The following DSCAML1 variants were observed in gnomAD, a reference collection of about 807,000 sequenced individuals.
DSCAML1 encodes the protein DS cell adhesion molecule like 1.
In DSCAML1, 38 loss-of-function variants were observed where a neutral mutation model predicts 200.5. That is an observed-to-expected ratio of 0.19 (90% confidence interval 0.15 to 0.25). The LOEUF is 0.25. Ranked by LOEUF, DSCAML1 falls within the 10% of genes least tolerant of loss-of-function variation. The pLI is 1.00. For missense variants in DSCAML1, 2,223 were observed against 2,858.8 expected, an observed-to-expected ratio of 0.78 and a Z score of 5.07; for synonymous variants, 1,215 against 1,165.0, an observed-to-expected ratio of 1.04 and a Z score of -0.87.
At chr11:117,790,274 C>G (rs1017295989) in intron 1 of DSCAML1, among the ~76,000 whole-genome samples, 1 of 152,194 alleles carries the variant, frequency 6.6e-6, no homozygotes, top group African/African-American at 2.4e-5. Context: ...GTCCAGAGGA[C>G]TATGGACTAC....
intron 3 of DSCAML1, among the ~76,000 whole-genome samples, chr11:117,655,284 T>C (rs971287624): frequency 2.0e-5 from 3 of 152,322 alleles, no homozygotes; most frequent in African/African-American, 7.2e-5. Flanking sequence ...ATTTGGGCCT[T>C]TGAATTCTGA....
At chr11:117,656,545 A>C (rs1265294500) in intron 3 of DSCAML1, among the ~76,000 whole-genome samples, 2 of 148,810 alleles carry the variant, frequency 1.3e-5, no homozygotes, top group African/African-American at 2.6e-5. Context: ...CTATCTATCT[A>C]TCCATCCATC....
chr11:117,631,610 G>T (rs768094416), intron 3 of DSCAML1, among the ~76,000 whole-genome samples: 2 of 152,232 alleles, frequency 1.3e-5, no homozygotes, highest in Non-Finnish European at 2.9e-5. Flanking sequence ...GAGAACAACA[G>T]AATACATTAG....
intron 32 of DSCAML1, among the ~76,000 whole-genome samples, chr11:117,429,377 G>T (rs371236851): frequency 6.6e-6 from 1 of 152,056 alleles, no homozygotes; most frequent in African/African-American, 2.4e-5. Flanking sequence ...CCTCCCCCTC[G>T]GTCCCCTCTT....
Position 117,728,317 on chromosome 11 carries a change from C to G in DSCAML1, c.511+48474G>C, listed in dbSNP as rs563115041. Among the ~76,000 whole-genome samples the G allele has an allele frequency of 2.6e-5, 4 of 152,266 alleles. No individual in the cohort carries two copies. In the East Asian group the frequency reaches 7.7e-4, roughly 29 times the overall value. ...AAGGGACTCTGTGATAAACCTCTAG[C>G]TAACATCATATGTAATGATGAAAGA... On this transcript the variant is annotated intron_variant, in intron 3 of 32. Transcript: ENST00000651296.
chr11:117,655,459 G>C (rs1052412821), intron 3 of DSCAML1, among the ~76,000 whole-genome samples: 1 of 152,210 alleles, frequency 6.6e-6, no homozygotes, highest in Non-Finnish European at 1.5e-5. Context: ...GAAACTCAGA[G>C]AGGTTAAGTA....
chr11:117,440,108 G>A (rs2048012602), intron 21 of DSCAML1, among the ~76,000 whole-genome samples, 172 bp from the exon 22 acceptor site: 1 of 152,174 alleles, frequency 6.6e-6, no homozygotes, highest in African/African-American at 2.4e-5. Flanking sequence ...GGGAGACATT[G>A]ACTCAAGAAA....
In DSCAML1 at chr11:117,531,098, G is replaced by A. The variant is rs567573094; in HGVS notation, c.658+1278C>T. ...GCATCGCGCAGGCTGTGATAAGAAC[G>A]TCTGTCTGGGCATTGTGGTCAAAGA... On this transcript the variant is annotated intron_variant, in intron 4 of 32. Coordinates refer to ENST00000651296, the MANE Select transcript of DSCAML1 (RefSeq NM_020693.4). 4.5e-4 allele frequency among the ~76,000 whole-genome samples: 69 copies of A among 152,282 alleles called. 1 individual carries two copies. In the South Asian group the frequency reaches 9.6e-3, roughly 21 times the overall value.
chr11:117,601,969 G>A lies in DSCAML1; in HGVS notation c.512-69447C>T, dbSNP rs145533092. On this transcript the variant is annotated intron_variant, in intron 3 of 32. Transcript: ENST00000651296. ...GCCCTGTGTCCAATCCCCAAATGGG[G>A]GCTGGAAGAATTACCTTTTACTCTC... 9.1e-3 allele frequency among the ~76,000 whole-genome samples: 1,393 copies of A among 152,322 alleles called. 8 individuals are homozygous for A. Among genetic ancestry groups the A allele is most frequent in the Non-Finnish European group, 0.015 (994 of 68,022 alleles).
In DSCAML1 at chr11:117,505,428, C is replaced by T; in HGVS notation, c.2062+26G>A. 1.9e-6 allele frequency: 3 copies of T among 1,599,342 alleles called. No individual in the cohort carries two copies. The highest frequency in any genetic ancestry group is 2.6e-6 in the Non-Finnish European group (3 of 1,175,408). On this transcript the variant is annotated intron_variant, in intron 9 of 32. Transcript: ENST00000651296. This position sits in a 1 kb window ranked among gnomAD's most constrained non-coding sequence, Gnocchi z 6.7. ...GCAGGCAGAATGGGCTCCTCCCTCC[C>T]CTGAGGCTGGCCTGTCCCTGCTCAC...
rs11827715 is a variant in DSCAML1, at chr11:117,431,740, G to A, written c.5180-12C>T. ...CCTGGACACTGGATCTGCACAGACA[G>A]AAGCAAGAAATTGCATCCTCCAACC... On this transcript the variant is annotated splice_polypyrimidine_tract_variant and intron_variant, in intron 30 of 32. Transcript: ENST00000651296. 7.1e-3 allele frequency: 10,813 copies of A among 1,516,162 alleles called. 460 individuals carry two copies. In the African/African-American group the frequency reaches 0.11, roughly 15 times the overall value. The allele number at this position is 1,516,162 out of a possible 1,614,324, so 93.9% of individuals were successfully genotyped here. A position where few individuals can be genotyped will look rare whatever the true frequency, so the allele number is the denominator to read the frequency against.
intron 3 of DSCAML1, among the ~76,000 whole-genome samples, chr11:117,718,674 C>CCA (rs1555201949): frequency 1.5e-5 from 1 of 65,944 alleles, no homozygotes; most frequent in African/African-American, 5.5e-5. Flanking sequence ...CAAAACCCCC[C>CCA]CCCCCCCCCA....
At chr11:117,757,595 C>G (rs958078598) in intron 3 of DSCAML1, among the ~76,000 whole-genome samples, 62 of 137,324 alleles carry the variant, frequency 4.5e-4, no homozygotes, top group African/African-American at 1.9e-3. Context: ...CACACACACA[C>G]ACACACACAC....
chr11:117,614,833 G>A (rs2051777046), intron 3 of DSCAML1, among the ~76,000 whole-genome samples: 1 of 152,170 alleles, frequency 6.6e-6, no homozygotes, highest in South Asian at 2.1e-4. Flanking sequence ...ATGGAGGGAG[G>A]AGAAGTAATG....
At chr11:117,651,711 CAAAA>C (rs1193144259) in intron 3 of DSCAML1, among the ~76,000 whole-genome samples, 1,462 of 30,850 alleles carry the variant, frequency 0.047, 11 homozygotes, top group African/African-American at 0.11. Flanking sequence ...GACTCTGTCT[CAAAA>C]AAAAAAAAAA....
intron 3 of DSCAML1, among the ~76,000 whole-genome samples, chr11:117,677,824 G>A (rs546494502): frequency 7.9e-5 from 12 of 152,260 alleles, no homozygotes; most frequent in African/African-American, 2.6e-4. Flanking sequence ...CAAGGCTGCC[G>A]AGCTACTGAG....
chr11:117,686,306 C>T (rs1353517502), intron 3 of DSCAML1, among the ~76,000 whole-genome samples: 3 of 152,230 alleles, frequency 2.0e-5, no homozygotes, highest in African/African-American at 7.2e-5. Context: ...CTCATACCGC[C>T]CTCTGTTGAG....
At chr11:117,648,585 G>A (rs2052567984) in intron 3 of DSCAML1, among the ~76,000 whole-genome samples, 1 of 152,194 alleles carries the variant, frequency 6.6e-6, no homozygotes, top group Non-Finnish European at 1.5e-5. Flanking sequence ...GGCTGTCTCA[G>A]CCCTTTCATC....
At chr11:117,617,685 C>CAT (rs2051838811) in intron 3 of DSCAML1, among the ~76,000 whole-genome samples, 1 of 30,158 alleles carries the variant, frequency 3.3e-5, no homozygotes, top group South Asian at 5.0e-4. Context: ...TACACGCACA[C>CAT]ACACACACAC....
Sources: gnomAD v4.1 joint callset for allele counts (sites outside exome capture counted in the v4.1 genomes callset) on GRCh38, gnomAD v4.1.1 for gene constraint, Gnocchi (gnomAD v3.1) non-coding constraint, MANE v1.5 for transcripts, NCBI Gene and HGNC (gene_info 2026-07-23, HGNC 2026-07-21) for gene names.